BAIAP2: variants seen among roughly 807,000 people sequenced by gnomAD.
BAIAP2 encodes BAR/IMD domain containing adaptor protein 2, also known as BAR/IMD domain-containing adapter protein 2.
A neutral mutation model predicts 63.0 loss-of-function variants in BAIAP2; 18 were observed. The ratio of observed to expected loss-of-function variants is 0.29; its 90% confidence interval spans 0.20 to 0.42. BAIAP2 has a LOEUF of 0.42. Among genes scored for constraint, BAIAP2 ranks in the 10% least tolerant of loss-of-function variants. The pLI is 1.00. For synonymous variants in BAIAP2, 386 were observed against 307.6 expected (o/e 1.25, Z -2.67); for missense variants, 610 against 734.3 (o/e 0.83, Z 1.96).
chr17:81,067,284 C>T (rs928273556), intron 3 of BAIAP2, among the ~76,000 whole-genome samples: 4 of 152,248 alleles, frequency 2.6e-5, no homozygotes, highest in African/African-American at 9.6e-5. Context: ...CCCTGCCTCC[C>T]GCCCCATGGG....
At chr17:81,044,245 A>C (rs555998155) in intron 1 of BAIAP2, among the ~76,000 whole-genome samples, 14 of 152,340 alleles carry the variant, frequency 9.2e-5, no homozygotes, top group African/African-American at 3.4e-4. Context: ...CAGTGCCTTC[A>C]CAGGGAGGGG....
chr17:81,087,360 C>T lies in BAIAP2; in HGVS notation c.489+780C>T, dbSNP rs554686199. ...GTCAGGTTTTCAAGCCTTGGCAAGCCCCGCACACACCTGCCCGTGTGCGTG... is the reference window on the plus strand; with the variant it reads ...GTCAGGTTTTCAAGCCTTGGCAAGCTCCGCACACACCTGCCCGTGTGCGTG... On this transcript the variant is annotated intron_variant, in intron 6 of 13. Coordinates refer to ENST00000428708, the MANE Select transcript of BAIAP2 (RefSeq NM_001144888.2). 3 of 152,350 alleles carry T rather than the reference C, an allele frequency of 2.0e-5. No homozygotes were observed. The East Asian group carries it at 5.8e-4, about 29-fold the overall frequency. The allele number at this position is 152,350 out of a possible 1,614,324, so 9.4% of individuals were successfully genotyped here.
chr17:81,036,507 A>T (rs549245986), intron 1 of BAIAP2, among the ~76,000 whole-genome samples: 8 of 152,378 alleles, frequency 5.3e-5, no homozygotes, highest in Non-Finnish European at 8.8e-5. Flanking sequence ...TGGAGGCTTC[A>T]GGGGTGGCCC....
intron 3 of BAIAP2, among the ~76,000 whole-genome samples, chr17:81,061,407 CG>C (rs1435203906): frequency 6.6e-6 from 1 of 151,898 alleles, no homozygotes; most frequent in Non-Finnish European, 1.5e-5. Context: ...TGAACTTGTC[CG>C]TCTCTCGAAG....
chr17:81,091,868 A>C (rs1431433174), intron 6 of BAIAP2, among the ~76,000 whole-genome samples: 1 of 152,182 alleles, frequency 6.6e-6, no homozygotes, highest in East Asian at 1.9e-4. Context: ...CTGGCCCTGC[A>C]TGTCCCTCAC....
At chr17:81,108,762 G>T (rs1258004822) in intron 13 of BAIAP2, 2 of 934,050 alleles carry the variant, frequency 2.1e-6, no homozygotes, top group Non-Finnish European at 3.1e-6. Flanking sequence ...GCAAGGTTGG[G>T]GAGGGTAGCT....
chr17:81,099,904 G>A, intron 6 of BAIAP2, 24 bp from the exon 7 acceptor site: 1 of 1,607,414 alleles, frequency 6.2e-7, no homozygotes, highest in Non-Finnish European at 8.5e-7. Flanking sequence ...CGCTGGCTGA[G>A]CCTTTCTCCC....
At chr17:81,050,316 G>A (rs1336985717) in intron 1 of BAIAP2, among the ~76,000 whole-genome samples, 1 of 152,256 alleles carries the variant, frequency 6.6e-6, no homozygotes, top group Non-Finnish European at 1.5e-5. Context: ...CTCTCTTGCA[G>A]ATGGAGGCAG....
chr17:81,099,600 C>G (rs1215481056), intron 6 of BAIAP2, among the ~76,000 whole-genome samples: 1 of 152,102 alleles, frequency 6.6e-6, no homozygotes, highest in East Asian at 1.9e-4. Context: ...TGCACGCGAC[C>G]CCACCCCACA....
chr17:81,057,067 C>T (rs1172353128), intron 2 of BAIAP2, among the ~76,000 whole-genome samples: 1 of 152,254 alleles, frequency 6.6e-6, no homozygotes, highest in East Asian at 1.9e-4. Context: ...ATAAAGTGCC[C>T]AGTTATAGGC....
intron 13 of BAIAP2, chr17:81,110,933 A>G (rs370725749): frequency 1.2e-6 from 2 of 1,613,836 alleles, no homozygotes; most frequent in Non-Finnish European, 1.7e-6. Flanking sequence ...GGAAGTGGCC[A>G]GATTCTGAGC....
At chr17:81,106,970 TC>T in intron 12 of BAIAP2, 63 bp downstream of exon 12, 2 of 1,451,408 alleles carry the variant, frequency 1.4e-6, no homozygotes. Flanking sequence ...CAGCCTGCAG[TC>T]CCCCGTTGGA....
rs977072144 is a variant in BAIAP2 at position 81,071,720 on chromosome 17, T to C, written c.218-13112T>C. 2.0e-5 allele frequency among the ~76,000 whole-genome samples: 3 copies of C among 152,238 alleles called. No individual in the cohort carries two copies. In the South Asian group the frequency reaches 6.2e-4, roughly 32 times the overall value. ...GACTCACGTCCAGCTCCCGGCAGACTCAGCGCGGGGGTCGGATGCCTTCTC... is the reference window on the plus strand; with the variant it reads ...GACTCACGTCCAGCTCCCGGCAGACCCAGCGCGGGGGTCGGATGCCTTCTC... On this transcript the variant is annotated intron_variant, in intron 3 of 13. Transcript: ENST00000428708.
intron 6 of BAIAP2, 95 bp from the exon 7 acceptor site, chr17:81,099,833 C>G: frequency 7.2e-7 from 1 of 1,384,994 alleles, no homozygotes; most frequent in Non-Finnish European, 9.9e-7. Flanking sequence ...ATGAATGAGA[C>G]GTGTCCTTTG....
intron 6 of BAIAP2, 46 bp from the exon 7 acceptor site, chr17:81,099,882 G>T: frequency 6.3e-7 from 1 of 1,598,524 alleles, no homozygotes; most frequent in Non-Finnish European, 8.5e-7. Flanking sequence ...GTCCTGACAG[G>T]CGTCCTTCCA....
At chr17:81,114,089 C>T (rs2060230815) in intron 13 of BAIAP2, among the ~76,000 whole-genome samples, 1 of 151,378 alleles carries the variant, frequency 6.6e-6, no homozygotes, top group Non-Finnish European at 1.5e-5. Flanking sequence ...TTCAGCCCCC[C>T]ATGGAGCTGG....
At chr17:81,096,604 A>G (rs2057656249) in intron 6 of BAIAP2, among the ~76,000 whole-genome samples, 1 of 152,170 alleles carries the variant, frequency 6.6e-6, no homozygotes, top group Admixed American at 6.5e-5. Flanking sequence ...CCTTGTGCAC[A>G]AGCCCACTTG....
chr17:81,071,581 C>T (rs1468245735), intron 3 of BAIAP2, among the ~76,000 whole-genome samples: 1 of 152,236 alleles, frequency 6.6e-6, no homozygotes, highest in South Asian at 2.1e-4. Flanking sequence ...CCTCCGGAAG[C>T]AACAGAAATA....
At chr17:81,094,054 G>A (rs2057254237) in intron 6 of BAIAP2, among the ~76,000 whole-genome samples, 1 of 151,782 alleles carries the variant, frequency 6.6e-6, no homozygotes, top group Admixed American at 6.6e-5. Flanking sequence ...AGCCCTCTCA[G>A]GGCTTCTGCA....
Sources: allele counts gnomAD v4.1 joint callset (sites outside exome capture counted in the v4.1 genomes callset), GRCh38; gene constraint gnomAD v4.1.1; transcripts MANE v1.5; gene names NCBI Gene and HGNC (gene_info 2026-07-23, HGNC 2026-07-21).